Variants in NTSR2 observed in about 807,000 individuals in gnomAD.
NTSR2 encodes the protein neurotensin receptor 2.
A neutral mutation model predicts 24.1 loss-of-function variants in NTSR2; 22 were observed. That is an observed-to-expected ratio of 0.91 (90% confidence interval 0.65 to 1.30). The LOEUF (loss-of-function observed/expected upper bound fraction) is 1.30. NTSR2 is among the 50% of genes most tolerant of loss of function. The pLI is 0.00. For missense variants in NTSR2, 570 were observed against 570.4 expected, an observed-to-expected ratio of 1.00 and a Z score of 0.01; for synonymous variants, 291 against 267.0, an observed-to-expected ratio of 1.09 and a Z score of -0.88.
At chr2:11,659,235 G>A (rs1558694812) in intron 3 of NTSR2, among the ~76,000 whole-genome samples, 2 of 152,212 alleles carry the variant, frequency 1.3e-5, no homozygotes, top group African/African-American at 4.8e-5. Flanking sequence ...TGCCATCCCT[G>A]GCTGTGGTTC....
chr2:11,669,459 C>CGGCGGGGGGG, intron 1 of NTSR2, 47 bp downstream of exon 1: 1 of 337,896 alleles, frequency 3.0e-6, no homozygotes. Context: ...CTCCCAGCAC[C>CGGCGGGGGGG]GCCCCCCCAC....
Position 11,658,632 on chromosome 2 carries a change from G to A in NTSR2, c.1080C>T (p.Ala360=), listed in dbSNP as rs762988182. The A allele has an allele frequency of 5.0e-6, 8 of 1,614,052 alleles. No individual in the cohort carries two copies. In the Admixed American group the frequency reaches 5.0e-5, roughly 10 times the overall value. Residue 360 remains alanine (A), a synonymous_variant, in exon 4 of 4, where the codon GCC becomes GCT. Coordinates refer to ENST00000306928, the MANE Select transcript of NTSR2 (RefSeq NM_012344.4). Reference sequence around the variant, plus strand: ...AGAGTTTTCTGAAGGAGGAGGACACGGCGTTGTAGAGAAGAGGAGTCACAG... The same window carrying A: ...AGAGTTTTCTGAAGGAGGAGGACACAGCGTTGTAGAGAAGAGGAGTCACAG... The part of the protein sequence containing the change: ...SSAVTPLLYN[A]VSSSFRKLFL...
In NTSR2 at chr2:11,665,085, C is replaced by T. The variant is rs563127580; in HGVS notation, c.625-2845G>A. ...TTTTTTTTTTTTTTTTTTTTTTTTC[C>T]AAGCTTGTCTCCCAGTTAGGAACAG... On this transcript the variant is annotated intron_variant, in intron 1 of 3. Coordinates refer to ENST00000306928, the MANE Select transcript of NTSR2 (RefSeq NM_012344.4). Among the ~76,000 whole-genome samples the T allele has an allele frequency of 1.1e-4, 8 of 71,664 alleles. No individual in the cohort carries two copies. In the East Asian group the frequency reaches 2.5e-3, roughly 23 times the overall value. 47.0% of individuals were successfully genotyped at this position (71,664 alleles called of 152,430 possible). A position where few individuals can be genotyped will look rare whatever the true frequency, so the allele number is the denominator to read the frequency against.
chr2:11,660,939 C>A (rs746397936), intron 2 of NTSR2, among the ~76,000 whole-genome samples: 15 of 152,146 alleles, frequency 9.9e-5, no homozygotes, highest in Non-Finnish European at 7.3e-5. Context: ...TGTGCTTTCC[C>A]TGCTCTCACT....
At chr2:11,668,257 C>T (rs1266984217) in intron 1 of NTSR2, among the ~76,000 whole-genome samples, 14 of 152,234 alleles carry the variant, frequency 9.2e-5, no homozygotes, top group Non-Finnish European at 1.8e-4. Context: ...CTTCAGTCCT[C>T]TACCCCTGCC....
At chr2:11,659,959 G>T in intron 3 of NTSR2, 84 bp downstream of exon 3, 1 of 1,072,066 alleles carries the variant, frequency 9.3e-7, no homozygotes. Context: ...GCAATGGAGG[G>T]TCCCTCTGGA....
chr2:11,667,871 T>C (rs991607015), intron 1 of NTSR2, among the ~76,000 whole-genome samples: 8 of 152,206 alleles, frequency 5.3e-5, no homozygotes, highest in African/African-American at 1.7e-4. Flanking sequence ...GCAGATTCCA[T>C]GTGATGAGCA....
In NTSR2 at chr2:11,669,877, C is replaced by T; in HGVS notation, c.253G>A (p.Val85Ile). Residue 85 changes from valine (V) to isoleucine (I), a missense_variant, in exon 1 of 4, where the codon GTC becomes ATC. By Grantham distance (29) the Val-to-Ile change is conservative. Coordinates refer to ENST00000306928, the MANE Select transcript of NTSR2 (RefSeq NM_012344.4). ...LALAGLLLLL[V>I]GVPVELYSFV... is the part of the protein sequence containing the mutation. ...CTGTAGAGCTCCACCGGCACGCCGA[C>T]CAGCAGCAGCAGCAGGCCCGCGAGC... 1.9e-6 allele frequency: 3 copies of T among 1,584,192 alleles called. No individual in the cohort carries two copies.
chr2:11,662,510 G>A (rs1445873245), intron 1 of NTSR2, among the ~76,000 whole-genome samples: 4 of 152,290 alleles, frequency 2.6e-5, no homozygotes, highest in South Asian at 2.1e-4. Flanking sequence ...AGCCGGGCAC[G>A]GTGACTCACG....
Position 11,658,249 on chromosome 2 carries a change from A to G in NTSR2, c.*230T>C, listed in dbSNP as rs1488603668. On this transcript the variant is annotated 3_prime_UTR_variant, in exon 4 of 4. Coordinates refer to ENST00000306928, the MANE Select transcript of NTSR2 (RefSeq NM_012344.4). ...GTGCTAAGCACTTTAGTCTCAGGCA[A>G]CACTAAGAGATGGGTGCTGTTCTTT... 1 of 475,942 alleles carries G rather than the reference A, an allele frequency of 2.1e-6. No homozygotes were observed. Among genetic ancestry groups the G allele is most frequent in the Non-Finnish European group, 3.6e-6 (1 of 274,152 alleles). 29.5% of individuals were successfully genotyped at this position (475,942 alleles called of 1,614,324 possible).
intron 1 of NTSR2, among the ~76,000 whole-genome samples, chr2:11,666,676 C>T (rs1007083610): frequency 4.6e-5 from 7 of 152,182 alleles, no homozygotes; most frequent in African/African-American, 7.2e-5. Context: ...TCCAGCCTGG[C>T]GACAGAGTGA....
Position 11,669,457 on chromosome 2 carries a change from A to ACCACCCCCCCCCCCCCC in NTSR2, c.624+48_624+49insGGGGGGGGGGGGGGTGG. On this transcript the variant is annotated intron_variant, in intron 1 of 3. Coordinates refer to ENST00000306928, the MANE Select transcript of NTSR2 (RefSeq NM_012344.4). ...GGAGAGGGGGTTCCCTCCTCCCAGC[A>ACCACCCCCCCCCCCCCC]CCGCCCCCCCACCCCCCCTCCCCCG... The ACCACCCCCCCCCCCCCC allele has an allele frequency of 9.0e-6, 2 of 221,428 alleles. 1 individual carries two copies. Among genetic ancestry groups the ACCACCCCCCCCCCCCCC allele is most frequent in the Non-Finnish European group, 1.6e-5 (2 of 121,680 alleles). 13.7% of individuals were successfully genotyped at this position (221,428 alleles called of 1,614,324 possible).
At chr2:11,660,532 G>A (rs905660043) in intron 2 of NTSR2, among the ~76,000 whole-genome samples, 22 of 152,182 alleles carry the variant, frequency 1.4e-4, no homozygotes, top group African/African-American at 5.3e-4. Flanking sequence ...TTGGGAAGCC[G>A]AGGCAGGTGG....
At chr2:11,658,869 T>C in intron 3 of NTSR2, 147 bp from the exon 4 acceptor site, 2 of 992,566 alleles carry the variant, frequency 2.0e-6, no homozygotes, top group South Asian at 1.6e-5. Context: ...TGTTTGTTTG[T>C]TTGTTTTTGA....
chr2:11,659,282 CAG>C (rs1372976145), intron 3 of NTSR2, among the ~76,000 whole-genome samples: 2 of 152,224 alleles, frequency 1.3e-5, no homozygotes, highest in African/African-American at 2.4e-5. Context: ...TGCTGACTGA[CAG>C]GGGCCATCTG....
rs114317460 is a variant in NTSR2 at position 11,660,223 on chromosome 2, G to T, written c.899-90C>A. The T allele has an allele frequency of 2.2e-3, 2,120 of 981,844 alleles. 24 individuals carry two copies. The African/African-American group carries it at 0.03, about 14-fold the overall frequency. The allele number at this position is 981,844 out of a possible 1,614,324, so 60.8% of individuals were successfully genotyped here. ...TTGCAAAGGGAGGCTGATGCCCGAG[G>T]GGATAGCAGCATTTCCCTCTAACTT... On this transcript the variant is annotated intron_variant, in intron 2 of 3. Transcript: ENST00000306928.
intron 2 of NTSR2, 115 bp downstream of exon 2, chr2:11,661,852 A>G (rs1661077982): frequency 1.0e-6 from 1 of 953,216 alleles, no homozygotes; most frequent in Admixed American, 2.6e-5. Flanking sequence ...GGCATAGGGT[A>G]AAGGAAGCCT....
At chr2:11,661,918 C>G (rs1449224746) in intron 2 of NTSR2, 49 bp downstream of exon 2, 1 of 1,479,038 alleles carries the variant, frequency 6.8e-7, no homozygotes, top group African/African-American at 1.4e-5. Context: ...GGAGGCAGCC[C>G]TGGAACTTAG....
chr2:11,661,842 G>T, intron 2 of NTSR2, 125 bp downstream of exon 2: 2 of 820,078 alleles, frequency 2.4e-6, no homozygotes, highest in Non-Finnish European at 3.8e-6. Context: ...GTTCCCCTGG[G>T]GCATAGGGTA....
Sources: allele counts gnomAD v4.1 joint callset (sites outside exome capture counted in the v4.1 genomes callset), GRCh38; gene constraint gnomAD v4.1.1; transcripts MANE v1.5; gene names NCBI Gene and HGNC (gene_info 2026-07-23, HGNC 2026-07-21).